Variants in FAAH2 observed in about 807,000 individuals in gnomAD.
FAAH2 encodes the protein fatty acid amide hydrolase 2, also known as fatty-acid amide hydrolase 2.
Under a neutral mutation model 36.9 loss-of-function variants are expected in FAAH2, and 60 were observed. The observed-to-expected ratio is 1.63, with a 90% CI of 1.32 to 2.02. The LOEUF (loss-of-function observed/expected upper bound fraction) is 2.02. FAAH2 is among the 30% of genes most tolerant of loss of function. The pLI is 0.00. For missense variants in FAAH2, 689 were observed against 397.5 expected, an observed-to-expected ratio of 1.73 and a Z score of -6.23; for synonymous variants, 214 against 143.8, an observed-to-expected ratio of 1.49 and a Z score of -3.49.
intron 7 of FAAH2, among the ~76,000 whole-genome samples, chrX:57,406,003 G>T (rs940611305): frequency 1.8e-5 from 2 of 109,501 alleles, no homozygotes; most frequent in South Asian, 8.1e-4. Context: ...TCCTTTGGGG[G>T]TGTCAAAACA....
chrX:57,181,677 C>T, the FAAH2 span, among the ~76,000 whole-genome samples: 1 of 111,528 alleles, frequency 9.0e-6, no homozygotes, highest in Admixed American at 9.5e-5. Flanking sequence ...AGATTCAATG[C>T]TCTTCCTATC....
At chrX:57,150,157 G>C in the FAAH2 span, among the ~76,000 whole-genome samples, 39 of 111,988 alleles carry the variant, frequency 3.5e-4, 1 homozygote, top group Non-Finnish European at 6.4e-4. Flanking sequence ...TTTTGCATTT[G>C]CTGAGGATTG....
At chrX:57,409,155 T>C (rs900696794) in intron 7 of FAAH2, among the ~76,000 whole-genome samples, 4 of 111,640 alleles carry the variant, frequency 3.6e-5, no homozygotes, top group African/African-American at 6.5e-5. Flanking sequence ...GGTATTATAA[T>C]ATTATGCGAC....
At chrX:57,184,743 T>G in the FAAH2 span, among the ~76,000 whole-genome samples, 2 of 112,338 alleles carry the variant, frequency 1.8e-5, no homozygotes, top group Admixed American at 1.9e-4. Context: ...CTCAATTTAT[T>G]TCATTAGCAA....
intron 7 of FAAH2, among the ~76,000 whole-genome samples, chrX:57,413,523 G>T (rs1213681983): frequency 1.8e-5 from 2 of 111,353 alleles, no homozygotes; most frequent in African/African-American, 3.3e-5. Flanking sequence ...AAGATCAGAT[G>T]GTTGTAGATG....
At chrX:57,320,852 G>A (rs1166551171) in intron 3 of FAAH2, among the ~76,000 whole-genome samples, 1 of 112,335 alleles carries the variant, frequency 8.9e-6, no homozygotes, top group African/African-American at 3.2e-5. Flanking sequence ...AAAAAAAGAT[G>A]AGTTGGCTGG....
chrX:57,466,152 C>CTA lies in FAAH2; in HGVS notation c.1423+17435_1423+17436insAT, dbSNP rs1219532061. On this transcript the variant is annotated intron_variant, in intron 10 of 10. Coordinates refer to ENST00000374900, the MANE Select transcript of FAAH2 (RefSeq NM_174912.4). ...TATCTCTCTCTCTCTCTCTCTCTCT[C>CTA]TCTCTATATATATATATATATATAT... 4.2e-3 allele frequency among the ~76,000 whole-genome samples: 279 copies of CTA among 66,801 alleles called. 1 individual carries two copies. The highest frequency in any genetic ancestry group is 0.014 in the African/African-American group (224 of 16,069). The allele number at this position is 66,801 out of a possible 115,157, so 58.0% of individuals were successfully genotyped here. A position where few individuals can be genotyped will look rare whatever the true frequency, so the allele number is the denominator to read the frequency against.
intron 3 of FAAH2, among the ~76,000 whole-genome samples, chrX:57,330,925 G>A (rs1199181775): frequency 9.1e-6 from 1 of 110,307 alleles, no homozygotes; most frequent in African/African-American, 3.3e-5. Flanking sequence ...GCCCCAGGAC[G>A]TACTTAGGGG....
the FAAH2 span, among the ~76,000 whole-genome samples, chrX:57,193,141 T>G: frequency 1.7e-3 from 195 of 111,971 alleles, no homozygotes; most frequent in African/African-American, 5.7e-3. Context: ...ATCACTGAAT[T>G]CTGTTTCTCA....
intron 3 of FAAH2, among the ~76,000 whole-genome samples, chrX:57,319,650 C>T (rs2052955746): frequency 8.9e-6 from 1 of 111,881 alleles, no homozygotes; most frequent in Non-Finnish European, 1.9e-5. Flanking sequence ...TGACTTTTTT[C>T]ACAGAATTGG....
intron 7 of FAAH2, among the ~76,000 whole-genome samples, chrX:57,406,058 C>T (rs1173886155): frequency 9.1e-6 from 1 of 110,458 alleles, no homozygotes; most frequent in Non-Finnish European, 1.9e-5. Context: ...GGTTCCTTCT[C>T]ATTTGAAGCA....
upstream of FAAH2, among the ~76,000 whole-genome samples, chrX:57,285,896 T>G (rs1027064094): frequency 2.7e-5 from 3 of 111,875 alleles, no homozygotes; most frequent in Non-Finnish European, 5.6e-5. Flanking sequence ...ATCAGCTAGA[T>G]TATTTGTAGA....
the FAAH2 span, among the ~76,000 whole-genome samples, chrX:57,166,887 G>T: frequency 8.9e-6 from 1 of 111,980 alleles, no homozygotes; most frequent in Admixed American, 9.5e-5. Context: ...GCTGTATGTG[G>T]TAATTTTGCA....
chrX:57,414,038 T>A (rs1056630824), intron 7 of FAAH2, among the ~76,000 whole-genome samples: 3 of 112,127 alleles, frequency 2.7e-5, no homozygotes, highest in Non-Finnish European at 5.6e-5. Context: ...TAGGAATGTT[T>A]GTAATTTTTG....
chrX:57,460,139 C>T (rs1319706354), intron 10 of FAAH2, among the ~76,000 whole-genome samples: 2 of 111,663 alleles, frequency 1.8e-5, no homozygotes, highest in Non-Finnish European at 3.8e-5. Flanking sequence ...AAAAAGCCTT[C>T]AAGAAATATG....
chrX:57,349,870 C>T (rs955854651), intron 5 of FAAH2, among the ~76,000 whole-genome samples: 1 of 110,512 alleles, frequency 9.0e-6, no homozygotes, highest in African/African-American at 3.3e-5. Flanking sequence ...CTTCCCAAGT[C>T]TACCAAGAGG....
At chrX:57,216,634 A>G in the FAAH2 span, among the ~76,000 whole-genome samples, 1 of 93,449 alleles carries the variant, frequency 1.1e-5, no homozygotes, top group South Asian at 4.8e-4. Flanking sequence ...GTATATATAT[A>G]TACGTATATA....
rs568766673 is a variant in FAAH2, at chrX:57,424,307, G to A, written c.997-7611G>A. On this transcript the variant is annotated intron_variant, in intron 7 of 10. Coordinates refer to ENST00000374900, the MANE Select transcript of FAAH2 (RefSeq NM_174912.4). ...CTGAGCATAGAACCCAGGCCACTGG[G>A]CATTTCACAGACTACTCCATTGCTT... Among the ~76,000 whole-genome samples, 23 of 111,805 alleles carry A rather than the reference G, an allele frequency of 2.1e-4. No individual in the cohort carries two copies. The South Asian group carries it at 8.8e-3, about 43-fold the overall frequency.
chrX:57,376,208 T>C (rs1212776467), intron 5 of FAAH2, among the ~76,000 whole-genome samples: 3 of 111,520 alleles, frequency 2.7e-5, no homozygotes, highest in Non-Finnish European at 5.7e-5. Context: ...TCTCCCTTTT[T>C]CTTGATAAGT....
Sources: gnomAD v4.1 joint callset for allele counts (sites outside exome capture counted in the v4.1 genomes callset) on GRCh38, gnomAD v4.1.1 for gene constraint, MANE v1.5 for transcripts, NCBI Gene and HGNC (gene_info 2026-07-23, HGNC 2026-07-21) for gene names.